Variants in BUB3 observed in about 807,000 individuals in gnomAD.
BUB3 encodes BUB3 mitotic checkpoint protein, also known as mitotic checkpoint protein BUB3.
BUB3 carries 22 observed loss-of-function variants against 39.9 expected under a neutral mutation model. That is an observed-to-expected ratio of 0.55 (90% CI 0.39 to 0.79). The LOEUF (loss-of-function observed/expected upper bound fraction) is 0.79, where lower values mean the gene tolerates loss of function less well. Ranked by LOEUF, BUB3 falls within the 30% of genes least tolerant of loss-of-function variation. The pLI, the probability that BUB3 is intolerant of heterozygous loss-of-function variation, is 0.00. For missense variants in BUB3, 303 were observed against 415.4 expected, an observed-to-expected ratio of 0.73 and a Z score of 2.35; for synonymous variants, 168 against 155.1, an observed-to-expected ratio of 1.08 and a Z score of -0.62.
rs564725883 is a variant in BUB3, at chr10:123,160,228, C to T, written c.418-179C>T. 1.1e-3 allele frequency among the ~76,000 whole-genome samples: 166 copies of T among 152,264 alleles called. No individual in the cohort carries two copies. The Middle Eastern group carries it at 0.024, about 22-fold the overall frequency. On this transcript the variant is annotated intron_variant, in intron 4 of 7. Coordinates refer to ENST00000368865, the MANE Select transcript of BUB3 (RefSeq NM_004725.4). ...AAGTATGGAGAGCATCATGGGTTTG[C>T]TATTTTATGTGAATTACTTGGTTTG... is the stretch of plus-strand genomic sequence containing the variant.
chr10:123,156,146 A>T (rs1374997153), intron 3 of BUB3, among the ~76,000 whole-genome samples: 2 of 152,220 alleles, frequency 1.3e-5, no homozygotes, highest in Non-Finnish European at 2.9e-5. Flanking sequence ...ATAGGCAATC[A>T]TGTCTATATT....
intron 5 of BUB3, among the ~76,000 whole-genome samples, chr10:123,161,059 G>A (rs1197419683): frequency 6.6e-6 from 1 of 151,668 alleles, no homozygotes; most frequent in Non-Finnish European, 1.5e-5. Flanking sequence ...ACTCAACTGA[G>A]ATTAGAGAGG....
In BUB3 at chr10:123,165,311, A is replaced by G; in HGVS notation, c.*1476A>G. The G allele has an allele frequency of 2.4e-6, 1 of 411,698 alleles. No homozygotes were observed. The highest frequency in any genetic ancestry group is 4.3e-6 in the Non-Finnish European group (1 of 230,212). 25.5% of individuals were successfully genotyped at this position (411,698 alleles called of 1,614,324 possible). On this transcript the variant is annotated 3_prime_UTR_variant, in exon 8 of 8. Transcript: ENST00000368865. Reference sequence around the variant, plus strand: ...CTGAACAGTTTGAGCTCTTTTTGTAATATACTCTAAACCTGTTATTTCTGT... The same window carrying G: ...CTGAACAGTTTGAGCTCTTTTTGTAGTATACTCTAAACCTGTTATTTCTGT...
intron 3 of BUB3, among the ~76,000 whole-genome samples, chr10:123,157,447 A>G (rs1454358213): frequency 6.6e-6 from 1 of 152,232 alleles, no homozygotes; most frequent in African/African-American, 2.4e-5. Context: ...AAGATAACAG[A>G]CATGCCACTA....
At chr10:123,158,019 A>AT in intron 4 of BUB3, 139 bp downstream of exon 4, 1 of 944,500 alleles carries the variant, frequency 1.1e-6, no homozygotes, top group Non-Finnish European at 1.5e-6. Flanking sequence ...TTGGTTTTAT[A>AT]AATCCAACTA....
At chr10:123,163,706 G>A (rs1844452877) in intron 7 of BUB3, 114 bp from the exon 8 acceptor site, 2 of 904,436 alleles carry the variant, frequency 2.2e-6, no homozygotes, top group Non-Finnish European at 3.4e-6. Flanking sequence ...GTCTTAGCAT[G>A]TGAAGCCTGT....
In BUB3 at chr10:123,168,672, C is replaced by A. The variant is rs554226757; in HGVS notation, c.*4837C>A. On this transcript the variant is annotated 3_prime_UTR_variant, in exon 8 of 8. Transcript: ENST00000368865. ...TCAAGCAATTCTCCTGCCTCAGCCA[C>A]CCGAGTAGTTGGGATTACAGGCACC... 1 of 152,228 alleles carries A rather than the reference C, an allele frequency of 6.6e-6. No homozygotes were observed. Among genetic ancestry groups the A allele is most frequent in the Non-Finnish European group, 1.5e-5 (1 of 68,050 alleles). The allele number at this position is 152,228 out of a possible 1,614,324, so 9.4% of individuals were successfully genotyped here.
intron 7 of BUB3, 43 bp from the exon 8 acceptor site, chr10:123,163,777 C>T: frequency 6.4e-7 from 1 of 1,558,374 alleles, no homozygotes; most frequent in Middle Eastern, 1.7e-4. Flanking sequence ...CCTGGCTGGC[C>T]ATTTTGATCT....
rs1469126372 is a variant in BUB3 at position 123,169,946 on chromosome 10, A to G, written c.*6111A>G. 1 of 152,194 alleles carries G rather than the reference A, an allele frequency of 6.6e-6. No homozygotes were observed. 9.4% of individuals were successfully genotyped at this position (152,194 alleles called of 1,614,324 possible). On this transcript the variant is annotated 3_prime_UTR_variant, in exon 8 of 8. Coordinates refer to ENST00000368865, the MANE Select transcript of BUB3 (RefSeq NM_004725.4). ...TGGTGCATGCCTGTAGTTCATAGCT[A>G]CTCTGGAGGCTGAGGCGGGAGGATA...
chr10:123,161,452 T>C (rs1020584065), intron 5 of BUB3, among the ~76,000 whole-genome samples: 1 of 152,218 alleles, frequency 6.6e-6, no homozygotes, highest in African/African-American at 2.4e-5. Flanking sequence ...AGATATGTGA[T>C]TAAAATATGC....
chr10:123,163,060 T>C, intron 7 of BUB3: 2 of 502,914 alleles, frequency 4.0e-6, no homozygotes, highest in Non-Finnish European at 6.9e-6. Context: ...CAAACTCTTA[T>C]TCTTCTTGAA....
chr10:123,163,233 T>G (rs1844448260), intron 7 of BUB3: 1 of 182,934 alleles, frequency 5.5e-6, no homozygotes, highest in African/African-American at 2.4e-5. Flanking sequence ...TCTTTAATAT[T>G]AACACAAAGT....
chr10:123,169,015 G>A lies in BUB3; in HGVS notation c.*5180G>A, dbSNP rs1844522691. 1 of 152,280 alleles carries A rather than the reference G, an allele frequency of 6.6e-6. No homozygotes were observed. Among genetic ancestry groups the A allele is most frequent in the Non-Finnish European group, 1.5e-5 (1 of 68,056 alleles). The allele number at this position is 152,280 out of a possible 1,614,324, so 9.4% of individuals were successfully genotyped here. A position where few individuals can be genotyped will look rare whatever the true frequency, so the allele number is the denominator to read the frequency against. On this transcript the variant is annotated 3_prime_UTR_variant, in exon 8 of 8. Transcript: ENST00000368865. ...AAAGAGCCTGTGGCTATGACTATCA[G>A]GATTCTGGCCATGAGGAATTCCATG...
In BUB3 at chr10:123,164,453, C is replaced by G. The variant is rs1234771242; in HGVS notation, c.*618C>G. ...AGAAGGAAAACTAATAAGAAAACCT[C>G]CTAATATCATTTTGTGACTGTAAAC... On this transcript the variant is annotated 3_prime_UTR_variant, in exon 8 of 8. Transcript: ENST00000368865. The G allele has an allele frequency of 1.0e-6, 1 of 985,472 alleles. No individual in the cohort carries two copies. The highest frequency in any genetic ancestry group is 1.2e-6 in the Non-Finnish European group (1 of 830,092). 61.0% of individuals were successfully genotyped at this position (985,472 alleles called of 1,614,324 possible).
chr10:123,163,790 T>C (rs546143319), intron 7 of BUB3, 30 bp from the exon 8 acceptor site: 8 of 1,590,104 alleles, frequency 5.0e-6, no homozygotes, highest in Admixed American at 3.4e-5. Context: ...TTTGATCTCA[T>C]GCTGTTCTTT....
chr10:123,154,777 T>G, intron 1 of BUB3, 141 bp from the exon 2 acceptor site: 1 of 876,906 alleles, frequency 1.1e-6, no homozygotes, highest in Non-Finnish European at 1.7e-6. Context: ...GGCGGGCGAG[T>G]GCTCGGCGCA....
chr10:123,154,827 C>T (rs1425971928), intron 1 of BUB3, 91 bp from the exon 2 acceptor site: 24 of 1,389,326 alleles, frequency 1.7e-5, no homozygotes, highest in Non-Finnish European at 2.3e-5. Flanking sequence ...TCCTCTCGGC[C>T]CCTCCCTCTG....
In BUB3 at chr10:123,155,664, A is replaced by G. The variant is rs1455495529; in HGVS notation, c.202A>G (p.Thr68Ala). 3.1e-6 allele frequency: 5 copies of G among 1,613,990 alleles called. No individual in the cohort carries two copies. The East Asian group carries it at 8.9e-5, about 29-fold the overall frequency. Residue 68 changes from threonine (T) to alanine (A), a missense_variant, in exon 3 of 8, where the codon ACG becomes GCG. Physicochemically the swap from Thr to Ala is moderately conservative, Grantham distance 58 (BLOSUM62 0). This residue lies in a region of BUB3 where 121 missense variants were observed against 122.3 expected (regional missense o/e 0.99). Transcript: ENST00000368865. ...GTTCAAAACTATTTTATAGGATCCA[A>G]CGCATGCCTGGAGTGGAGGACTAGA... is the stretch of plus-strand genomic sequence containing the variant. ...AVLDCAFYDP[T>A]HAWSGGLDHQ...
Position 123,165,125 on chromosome 10 carries a change from A to C in BUB3, c.*1290A>C. The C allele has an allele frequency of 6.6e-7, 1 of 1,525,158 alleles. No individual in the cohort carries two copies. Among genetic ancestry groups the C allele is most frequent in the South Asian group, 1.1e-5 (1 of 88,820 alleles). The allele number at this position is 1,525,158 out of a possible 1,614,324, so 94.5% of individuals were successfully genotyped here. On this transcript the variant is annotated 3_prime_UTR_variant, in exon 8 of 8. Coordinates refer to ENST00000368865, the MANE Select transcript of BUB3 (RefSeq NM_004725.4). ...TCCTACAAATACATGCTTATTCCTT[A>C]AGGGATGTGTTAGAGTTACTGTGGA...
Sources: allele counts gnomAD v4.1 joint callset (sites outside exome capture counted in the v4.1 genomes callset), GRCh38; gene constraint gnomAD v4.1.1; regional missense constraint gnomAD v4.1.1; transcripts MANE v1.5; gene names NCBI Gene and HGNC (gene_info 2026-07-23, HGNC 2026-07-21).